The following ASIC2 variants were observed in gnomAD, a reference collection of about 807,000 sequenced individuals.
ASIC2 encodes the protein acid sensing ion channel subunit 2, also known as acid-sensing ion channel 2.
In ASIC2, 25 loss-of-function variants were observed where a neutral mutation model predicts 57.3. The ratio of observed to expected loss-of-function variants is 0.44; its 90% confidence interval spans 0.32 to 0.61. The LOEUF (loss-of-function observed/expected upper bound fraction) is 0.61, where lower values mean the gene tolerates loss of function less well. Among genes scored for constraint, ASIC2 ranks in the 20% least tolerant of loss-of-function variants. ASIC2 has a pLI of 0.06. For missense variants in ASIC2, 641 were observed against 738.1 expected (o/e 0.87, Z 1.52); for synonymous variants, 319 against 307.5 (o/e 1.04, Z -0.39).
rs540715541 is a variant in ASIC2, at chr17:33,818,718, G to A, written c.555+337260C>T. Among the ~76,000 whole-genome samples, 55 of 152,308 alleles carry A rather than the reference G, an allele frequency of 3.6e-4. 1 individual carries two copies. The highest frequency in any genetic ancestry group is 1.1e-3 in the African/African-American group (44 of 41,562). On this transcript the variant is annotated intron_variant, in intron 1 of 9. Transcript: ENST00000359872. Reference sequence around the variant, plus strand: ...CTAAAATGTCAATAGTGCTGAGATTGAGAAACCCTAGATGATGTTTTAAAC... The same window carrying A: ...CTAAAATGTCAATAGTGCTGAGATTAAGAAACCCTAGATGATGTTTTAAAC...
At chr17:34,065,593 C>CA (rs893700506) in intron 1 of ASIC2, among the ~76,000 whole-genome samples, 2 of 151,958 alleles carry the variant, frequency 1.3e-5, no homozygotes, top group African/African-American at 4.8e-5. Flanking sequence ...ATGTGGCTTC[C>CA]AAAAGTAAAA....
In ASIC2 at chr17:33,180,586, T is replaced by A. The variant is rs1905941376; in HGVS notation, c.709-68519A>T. ...CACCATCATCACCACCTTTCCACCA[T>A]CCCCCAACTGCTGGGAGTCCAGGAA... On this transcript the variant is annotated intron_variant, in intron 1 of 9. Coordinates refer to ENST00000225823, the MANE Select transcript of ASIC2 (RefSeq NM_183377.2). 3.3e-5 allele frequency among the ~76,000 whole-genome samples: 5 copies of A among 151,964 alleles called. No individual in the cohort carries two copies. In the South Asian group the frequency reaches 1.0e-3, roughly 32 times the overall value.
intron 1 of ASIC2, among the ~76,000 whole-genome samples, chr17:33,603,843 G>T (rs1329205999): frequency 1.3e-5 from 2 of 152,200 alleles, no homozygotes; most frequent in African/African-American, 4.8e-5. Context: ...GTGGAAGAGT[G>T]CTCAGGGCCC....
At chr17:33,788,941 T>A (rs1335783235) in intron 1 of ASIC2, among the ~76,000 whole-genome samples, 1 of 152,138 alleles carries the variant, frequency 6.6e-6, no homozygotes, top group African/African-American at 2.4e-5. Flanking sequence ...AGATGATGGA[T>A]CAATAGGTGC....
chr17:33,912,312 C>T (rs947147893), intron 1 of ASIC2, among the ~76,000 whole-genome samples: 2 of 149,518 alleles, frequency 1.3e-5, no homozygotes, highest in African/African-American at 2.5e-5. Context: ...GGCCAACATC[C>T]AAAAACCCGT....
intron 1 of ASIC2, among the ~76,000 whole-genome samples, chr17:33,520,674 T>C (rs4795800): frequency 0.74 from 111,972 of 152,166 alleles, 41,678 homozygotes; most frequent in Middle Eastern, 0.82. Context: ...GGGCCCCTCT[T>C]GGGGCTATGA....
intron 1 of ASIC2, among the ~76,000 whole-genome samples, chr17:33,971,732 GA>G (rs761177260): frequency 1.3e-5 from 2 of 152,068 alleles, no homozygotes; most frequent in Non-Finnish European, 2.9e-5. Flanking sequence ...AAAAGATTAA[GA>G]GGCTTTGATA....
chr17:33,799,000 G>A (rs768849670), intron 1 of ASIC2, among the ~76,000 whole-genome samples: 28 of 152,310 alleles, frequency 1.8e-4, no homozygotes, highest in Non-Finnish European at 2.1e-4. Context: ...TGTCCCTGGA[G>A]CTGCATCCTT....
intron 1 of ASIC2, among the ~76,000 whole-genome samples, chr17:33,841,628 C>T (rs1183265941): frequency 6.6e-6 from 1 of 152,214 alleles, no homozygotes; most frequent in African/African-American, 2.4e-5. Flanking sequence ...TTGGAAGAGT[C>T]CCCGTGGTAT....
At chr17:33,969,135 G>A (rs557649109) in intron 1 of ASIC2, among the ~76,000 whole-genome samples, 4 of 152,158 alleles carry the variant, frequency 2.6e-5, no homozygotes, top group African/African-American at 7.2e-5. Context: ...AGCATGGCCC[G>A]TTGAGAAACA....
At chr17:33,443,483 G>T (rs1312888770) in intron 1 of ASIC2, among the ~76,000 whole-genome samples, 1 of 137,956 alleles carries the variant, frequency 7.2e-6, no homozygotes, top group Non-Finnish European at 1.5e-5. Flanking sequence ...GCGGGATCTC[G>T]GCTCACTGCA....
chr17:33,036,042 G>A (rs1476685455), intron 3 of ASIC2, among the ~76,000 whole-genome samples: 1 of 152,172 alleles, frequency 6.6e-6, no homozygotes, highest in Non-Finnish European at 1.5e-5. Context: ...TTTGTGCCTG[G>A]TTTTGGTCTC....
chr17:33,491,275 T>G (rs1368796523), intron 1 of ASIC2, among the ~76,000 whole-genome samples: 1 of 152,278 alleles, frequency 6.6e-6, no homozygotes, highest in South Asian at 2.1e-4. Context: ...AAGGGAGGGA[T>G]GCATCACAAG....
At chr17:34,138,515 G>T (rs902709734) in intron 1 of ASIC2, among the ~76,000 whole-genome samples, 1 of 152,196 alleles carries the variant, frequency 6.6e-6, no homozygotes, top group South Asian at 2.1e-4. Context: ...ATGAGAAGGG[G>T]CAGGCTAAAT....
intron 3 of ASIC2, among the ~76,000 whole-genome samples, chr17:33,084,707 G>T (rs2092127969): frequency 6.6e-6 from 1 of 152,182 alleles, no homozygotes; most frequent in Non-Finnish European, 1.5e-5. Context: ...AGGAACTGTT[G>T]TTATTCTTCT....
chr17:33,340,311 G>T lies in ASIC2; in HGVS notation c.556-228244C>A, dbSNP rs1287987376. ...GATGGGGAGTGGGAGCATGATGAGA[G>T]ACCAGTCTCTTAAGCTGCCAGAGTG... On this transcript the variant is annotated intron_variant, in intron 1 of 9. Transcript: ENST00000359872. Among the ~76,000 whole-genome samples the T allele has an allele frequency of 3.9e-5, 6 of 152,242 alleles. No individual in the cohort carries two copies. In the East Asian group the frequency reaches 7.7e-4, roughly 20 times the overall value.
intron 1 of ASIC2, among the ~76,000 whole-genome samples, chr17:33,150,692 T>C (rs771568523): frequency 7.9e-6 from 1 of 126,286 alleles, no homozygotes; most frequent in Non-Finnish European, 1.7e-5. Flanking sequence ...CTACTAAAAA[T>C]ACAAAAAATT....
intron 1 of ASIC2, among the ~76,000 whole-genome samples, chr17:34,074,838 T>A (rs2142072098): frequency 7.1e-6 from 1 of 140,580 alleles, no homozygotes; most frequent in African/African-American, 2.7e-5. Flanking sequence ...CAGGCTGCAA[T>A]GCAGTGACGC....
In ASIC2 at chr17:33,952,177, T is replaced by C. The variant is rs185382102; in HGVS notation, c.555+203801A>G. On this transcript the variant is annotated intron_variant, in intron 1 of 9. Coordinates refer to the ASIC2 transcript ENST00000359872. ...GGAGAGGAAGCAAACATGGCAAATG[T>C]TGAACAATGAGTGAAGAGAAGTGAA... is the stretch of plus-strand genomic sequence containing the variant. 2.6e-5 allele frequency among the ~76,000 whole-genome samples: 4 copies of C among 152,254 alleles called. No individual in the cohort carries two copies. The East Asian group carries it at 7.7e-4, about 29-fold the overall frequency.
Sources: allele counts gnomAD v4.1 joint callset (sites outside exome capture counted in the v4.1 genomes callset), GRCh38; gene constraint gnomAD v4.1.1; transcripts MANE v1.5; gene names NCBI Gene and HGNC (gene_info 2026-07-23, HGNC 2026-07-21).